The following KDELR2 variants were observed in gnomAD, a reference collection of about 807,000 sequenced individuals.
KDELR2 encodes the protein KDEL endoplasmic reticulum protein retention receptor 2.
Under a neutral mutation model 23.9 loss-of-function variants are expected in KDELR2, and 15 were observed. The observed-to-expected ratio is 0.63, with a 90% CI of 0.42 to 0.97. The LOEUF is 0.97. Among genes scored for constraint, KDELR2 ranks in the 50% least tolerant of loss-of-function variants. The pLI, the probability that KDELR2 is intolerant of heterozygous loss-of-function variation, is 0.00. For missense variants in KDELR2, 272 were observed against 254.6 expected, an observed-to-expected ratio of 1.07 and a Z score of -0.46; for synonymous variants, 119 against 106.2, an observed-to-expected ratio of 1.12 and a Z score of -0.74.
chr7:6,466,309 G>A lies in KDELR2; in HGVS notation c.366C>T (p.Phe122=), dbSNP rs753246648. 6 of 1,613,934 alleles carry A rather than the reference G, an allele frequency of 3.7e-6. No individual in the cohort carries two copies. The highest frequency in any genetic ancestry group is 5.1e-6 in the Non-Finnish European group (6 of 1,180,020). The stretch of plus-strand genomic sequence containing the variant: ...TAGCCACGGACTCCAGGTAGATGGA[G>A]AAGGTCCAGAGGATCTGGAAGAGAA... ...DFSPLEILWT[F]SIYLESVAIL... is the part of the protein sequence containing the mutation. The change falls in exon 4 of 5, where the codon TTC becomes TTT. Residue 122 remains phenylalanine, a synonymous_variant. Transcript: ENST00000258739.
chr7:6,473,545 T>G (rs183380156), intron 2 of KDELR2, among the ~76,000 whole-genome samples: 1 of 151,916 alleles, frequency 6.6e-6, no homozygotes, highest in African/African-American at 2.4e-5. Context: ...TAATGTGAAT[T>G]AGAAAAAATA....
In KDELR2 at chr7:6,484,101, G is replaced by A. The variant is rs1166570111; in HGVS notation, c.-44C>T. On this transcript the variant is annotated 5_prime_UTR_variant, in exon 1 of 5. Coordinates refer to ENST00000258739, the MANE Select transcript of KDELR2 (RefSeq NM_006854.4). Reference sequence around the variant, plus strand: ...GGTCGGCGCAGCGCGGCGGCCCCGGGGCTGGGCGGCTCAGGAGGCGGCGGC... The same window carrying A: ...GGTCGGCGCAGCGCGGCGGCCCCGGAGCTGGGCGGCTCAGGAGGCGGCGGC... 1.5e-6 allele frequency: 2 copies of A among 1,334,052 alleles called. No individual in the cohort carries two copies. Among genetic ancestry groups the A allele is most frequent in the Admixed American group, 3.6e-5 (1 of 27,666 alleles). The allele number at this position is 1,334,052 out of a possible 1,614,324, so 82.6% of individuals were successfully genotyped here.
chr7:6,480,627 G>A (rs756636589), intron 1 of KDELR2, among the ~76,000 whole-genome samples: 1 of 151,838 alleles, frequency 6.6e-6, no homozygotes, highest in East Asian at 1.9e-4. Flanking sequence ...CCATGGTTCC[G>A]AGACTAAAAC....
intron 2 of KDELR2, chr7:6,470,101 G>C: frequency 5.8e-6 from 1 of 173,676 alleles, no homozygotes; most frequent in Non-Finnish European, 1.2e-5. Flanking sequence ...CACATAAATG[G>C]AGTCACATAG....
At position 6,466,239 on chromosome 7, in the gene KDELR2, T is replaced by C; in HGVS notation, c.436A>G (p.Thr146Ala). 1 of 1,614,058 alleles carries C rather than the reference T, an allele frequency of 6.2e-7. No individual in the cohort carries two copies. The highest frequency in any genetic ancestry group is 8.5e-7 in the Non-Finnish European group (1 of 1,179,990). Residue 146 changes from threonine (T) to alanine (A), a missense_variant, in exon 4 of 5, where the codon ACC becomes GCC. By Grantham distance (58) the Thr-to-Ala change is moderately conservative. Coordinates refer to ENST00000258739, the MANE Select transcript of KDELR2 (RefSeq NM_006854.4). ...AAGAACAGGTAGTGGGTGGTGATGGTCTCGGCCTCCCCAGTCTTGCTGATC... is the reference window on the plus strand; with the variant it reads ...AAGAACAGGTAGTGGGTGGTGATGGCCTCGGCCTCCCCAGTCTTGCTGATC... The part of the protein sequence containing the change: ...FMISKTGEAE[T>A]ITTHYLFFLG...
chr7:6,477,068 G>A (rs946278185), intron 1 of KDELR2, among the ~76,000 whole-genome samples: 1 of 152,218 alleles, frequency 6.6e-6, no homozygotes, highest in African/African-American at 2.4e-5. Context: ...TATTTTGGGA[G>A]AACACTTCTG....
intron 1 of KDELR2, among the ~76,000 whole-genome samples, chr7:6,483,271 A>T (rs1785946216): frequency 6.6e-6 from 1 of 152,212 alleles, no homozygotes; most frequent in South Asian, 2.1e-4. Flanking sequence ...CTTAAAAACC[A>T]GATCGTTTCC....
In KDELR2 at chr7:6,464,197, CAAAAAAAAAAAAAAAAAAAAAAAA is replaced by C. The variant is rs758537707; in HGVS notation, c.605-1046_605-1023del. Among the ~76,000 whole-genome samples, 21 of 38,762 alleles carry C rather than the reference CAAAAAAAAAAAAAAAAAAAAAAAA, an allele frequency of 5.4e-4. No homozygotes were observed. The East Asian group carries it at 5.7e-3, about 10-fold the overall frequency. 25.4% of individuals were successfully genotyped at this position (38,762 alleles called of 152,430 possible). ...GGGCAACAAGAGCAAAACTCTGTCT[CAAAAAAAAAAAAAAAAAAAAAAAA>C]AAAAAAAAAAAAAAAAAAGCTAGGC... On this transcript the variant is annotated intron_variant, in intron 4 of 4. Transcript: ENST00000258739.
chr7:6,469,567 C>A (rs759566230), intron 3 of KDELR2, 29 bp downstream of exon 3: 61 of 1,605,792 alleles, frequency 3.8e-5, no homozygotes, highest in Non-Finnish European at 5.0e-5. Flanking sequence ...AGCCACCATG[C>A]CTGGCCCTAA....
intron 2 of KDELR2, among the ~76,000 whole-genome samples, chr7:6,472,723 G>A (rs1785675970): frequency 6.6e-6 from 1 of 152,086 alleles, no homozygotes; most frequent in Non-Finnish European, 1.5e-5. Flanking sequence ...AATGTTGGGG[G>A]GAGGTTGTTT....
intron 1 of KDELR2, among the ~76,000 whole-genome samples, chr7:6,478,272 T>G (rs1314088099): frequency 6.6e-6 from 1 of 151,912 alleles, no homozygotes. Flanking sequence ...CTTAGCCACC[T>G]GAGTAGCTAA....
intron 4 of KDELR2, among the ~76,000 whole-genome samples, chr7:6,464,710 T>C (rs990889516): frequency 6.8e-6 from 1 of 147,514 alleles, no homozygotes; most frequent in African/African-American, 2.5e-5. Flanking sequence ...AGGAAAGAGA[T>C]AAGACATATA....
Position 6,461,202 on chromosome 7 carries a change from C to G in KDELR2, c.*1939G>C, listed in dbSNP as rs1785381894. On this transcript the variant is annotated 3_prime_UTR_variant, in exon 5 of 5. Transcript: ENST00000258739. ...ACGCCGGCGAGGATGAGGCCCAGTC[C>G]CACACTCCCTCGCAGGCACCCTTGC... The G allele has an allele frequency of 2.0e-5, 3 of 152,130 alleles. No individual in the cohort carries two copies. The South Asian group carries it at 6.2e-4, about 32-fold the overall frequency. 9.4% of individuals were successfully genotyped at this position (152,130 alleles called of 1,614,324 possible).
At chr7:6,479,397 C>T (rs1233086827) in intron 1 of KDELR2, among the ~76,000 whole-genome samples, 1 of 152,194 alleles carries the variant, frequency 6.6e-6, no homozygotes, top group Non-Finnish European at 1.5e-5. Context: ...TCAAGTGATC[C>T]ACCCACCTTG....
chr7:6,468,345 C>G (rs1785546242), intron 3 of KDELR2, among the ~76,000 whole-genome samples: 1 of 152,054 alleles, frequency 6.6e-6, no homozygotes, highest in Non-Finnish European at 1.5e-5. Flanking sequence ...AACTTTTTTT[C>G]TTTAGATGGA....
Position 6,484,128 on chromosome 7 carries a change from C to CCGGGG in KDELR2, c.-72_-71insCCCCG. The CCGGGG allele has an allele frequency of 8.5e-7, 1 of 1,180,716 alleles. No individual in the cohort carries two copies. The highest frequency in any genetic ancestry group is 3.2e-5 in the South Asian group (1 of 31,346). 73.1% of individuals were successfully genotyped at this position (1,180,716 alleles called of 1,614,324 possible). ...CTGGGCGGCTCAGGAGGCGGCGGCC[C>CCGGGG]CTGAGAGGAAGCGGCGAAGATGGCG... On this transcript the variant is annotated 5_prime_UTR_variant, in exon 1 of 5. Transcript: ENST00000258739.
At chr7:6,477,902 C>T (rs971052398) in intron 1 of KDELR2, among the ~76,000 whole-genome samples, 2 of 152,074 alleles carry the variant, frequency 1.3e-5, no homozygotes, top group African/African-American at 4.8e-5. Flanking sequence ...AAACTGTACC[C>T]CATAAATAGA....
chr7:6,468,300 G>C (rs1168740672), intron 3 of KDELR2, among the ~76,000 whole-genome samples: 1 of 152,068 alleles, frequency 6.6e-6, no homozygotes, highest in African/African-American at 2.4e-5. Context: ...ATGCAAATAG[G>C]TCCATTCTAG....
At chr7:6,481,699 G>T (rs528456476) in intron 1 of KDELR2, among the ~76,000 whole-genome samples, 1 of 152,206 alleles carries the variant, frequency 6.6e-6, no homozygotes, top group East Asian at 1.9e-4. Context: ...CAGCCTGGGG[G>T]ACAGAGTGAG....
Sources: allele counts gnomAD v4.1 joint callset (sites outside exome capture counted in the v4.1 genomes callset), GRCh38; gene constraint gnomAD v4.1.1; transcripts MANE v1.5; gene names NCBI Gene and HGNC (gene_info 2026-07-23, HGNC 2026-07-21).